The following STX3 variants were observed in gnomAD, a reference collection of about 807,000 sequenced individuals.
STX3 encodes the protein syntaxin-3.
Under a neutral mutation model 40.2 loss-of-function variants are expected in STX3, and 19 were observed. The observed-to-expected ratio is 0.47, with a 90% CI of 0.33 to 0.69. The LOEUF (loss-of-function observed/expected upper bound fraction) is 0.69, where lower values mean the gene tolerates loss of function less well. STX3 is among the 30% of genes least tolerant of loss of function. The pLI is 0.02. For synonymous variants in STX3, 122 were observed against 132.2 expected (o/e 0.92, Z 0.53); for missense variants, 364 against 366.7 (o/e 0.99, Z 0.06).
chr11:59,788,584 A>C (rs1349205531), intron 3 of STX3, among the ~76,000 whole-genome samples: 1 of 152,160 alleles, frequency 6.6e-6, no homozygotes, highest in Non-Finnish European at 1.5e-5. Flanking sequence ...GAGTTTCCAC[A>C]ATTTTATGTG....
In STX3 at chr11:59,755,564, A is replaced by T; in HGVS notation, c.-42A>T. ...GGAAGCGCTCACCTGGGACGCGCTC[A>T]CCTGGGACGCGCTACCTGCCTCCGG... On this transcript the variant is annotated 5_prime_UTR_variant, in exon 1 of 11. Coordinates refer to ENST00000337979, the MANE Select transcript of STX3 (RefSeq NM_004177.5). 5.0e-6 allele frequency: 8 copies of T among 1,589,706 alleles called. No individual in the cohort carries two copies. The highest frequency in any genetic ancestry group is 6.8e-6 in the Non-Finnish European group (8 of 1,175,026).
intron 10 of STX3, 52 bp from the exon 11 acceptor site, chr11:59,800,803 C>T: frequency 6.5e-7 from 1 of 1,535,816 alleles, no homozygotes; most frequent in East Asian, 2.4e-5. Flanking sequence ...CTTCTGTTGC[C>T]CTTTGCCTTC....
At chr11:59,772,705 T>C (rs937219222) in intron 1 of STX3, among the ~76,000 whole-genome samples, 4 of 152,134 alleles carry the variant, frequency 2.6e-5, no homozygotes, top group Non-Finnish European at 5.9e-5. Flanking sequence ...CCAAGTTACC[T>C]AACCTCCCTA....
chr11:59,795,818 C>A, intron 9 of STX3: 1 of 961,438 alleles, frequency 1.0e-6, no homozygotes, highest in Non-Finnish European at 1.6e-6. Context: ...CCCTCCCTGT[C>A]GTAGCCTCAT....
chr11:59,800,445 T>C, intron 10 of STX3: 1 of 985,354 alleles, frequency 1.0e-6, no homozygotes, highest in Non-Finnish European at 1.2e-6. Flanking sequence ...AGGCTTTTCA[T>C]TGTGTCCTTC....
At chr11:59,775,537 G>T (rs1296181476) in intron 2 of STX3, among the ~76,000 whole-genome samples, 3 of 152,202 alleles carry the variant, frequency 2.0e-5, no homozygotes, top group Non-Finnish European at 2.9e-5. Context: ...GTGTGAAGAT[G>T]GTGGGCTTTG....
At chr11:59,780,803 T>G (rs1864321818) in intron 2 of STX3, among the ~76,000 whole-genome samples, 1 of 152,232 alleles carries the variant, frequency 6.6e-6, no homozygotes, top group South Asian at 2.1e-4. Context: ...AACAATCCCT[T>G]TATTATATTA....
At chr11:59,799,826 C>T in intron 10 of STX3, 1 of 984,458 alleles carries the variant, frequency 1.0e-6, no homozygotes, top group Non-Finnish European at 1.2e-6. Flanking sequence ...TTTTTTTTTT[C>T]CCCTCTTTTT....
intron 6 of STX3, 143 bp from the exon 7 acceptor site, chr11:59,792,956 A>C: frequency 1.4e-6 from 1 of 725,894 alleles, no homozygotes; most frequent in Non-Finnish European, 2.4e-6. Flanking sequence ...GGGCAGAAAT[A>C]AGATGAGTCA....
At chr11:59,795,268 C>A in intron 8 of STX3, 104 bp from the exon 9 acceptor site, 1 of 942,256 alleles carries the variant, frequency 1.1e-6, no homozygotes, top group Non-Finnish European at 1.6e-6. Flanking sequence ...TTTGTGGATG[C>A]TCTTCTTGCC....
At chr11:59,776,570 C>CTT (rs1169912793) in intron 2 of STX3, among the ~76,000 whole-genome samples, 3 of 152,222 alleles carry the variant, frequency 2.0e-5, no homozygotes, top group Non-Finnish European at 4.4e-5. Flanking sequence ...GGTTATATAA[C>CTT]TAAGTCGCTT....
In STX3 at chr11:59,769,011, T is replaced by C. The variant is rs528299339; in HGVS notation, c.31-4200T>C. On this transcript the variant is annotated intron_variant, in intron 1 of 10. Transcript: ENST00000337979. ...CATCATCCAAATAGTATACATTGTA[T>C]CCATTAAGTAATTTCTTGTCATCTA... is the stretch of plus-strand genomic sequence containing the variant. Among the ~76,000 whole-genome samples the C allele has an allele frequency of 2.0e-5, 3 of 152,224 alleles. No homozygotes were observed. In the East Asian group the frequency reaches 5.8e-4, roughly 29 times the overall value.
intron 10 of STX3, among the ~76,000 whole-genome samples, chr11:59,797,924 ACTAAACAC>A (rs1383255062): frequency 1.3e-5 from 2 of 152,222 alleles, no homozygotes; most frequent in Non-Finnish European, 2.9e-5. Context: ...CAGACAATGT[ACTAAACAC>A]CTTATACACA....
Position 59,802,060 on chromosome 11 carries a change from A to G in STX3, c.*1236A>G. The G allele has an allele frequency of 1.0e-6, 1 of 985,466 alleles. No individual in the cohort carries two copies. The highest frequency in any genetic ancestry group is 1.2e-6 in the Non-Finnish European group (1 of 829,938). 61.0% of individuals were successfully genotyped at this position (985,466 alleles called of 1,614,324 possible). A position where few individuals can be genotyped will look rare whatever the true frequency, so the allele number is the denominator to read the frequency against. On this transcript the variant is annotated 3_prime_UTR_variant, in exon 11 of 11. Coordinates refer to ENST00000337979, the MANE Select transcript of STX3 (RefSeq NM_004177.5). ...TGACACCCTTTCCCACCTGGTGCCT[A>G]TGCTAGGCTTGTCCTGAGAACATCC...
intron 9 of STX3, 45 bp downstream of exon 9, chr11:59,795,527 T>C: frequency 6.3e-7 from 1 of 1,577,292 alleles, no homozygotes; most frequent in Non-Finnish European, 8.6e-7. Flanking sequence ...CCATTTTGTT[T>C]GCTGTGTCTC....
rs1482307436 is a variant in STX3 at position 59,800,919 on chromosome 11, G to A, written c.*95G>A. 6.5e-7 allele frequency: 1 copy of A among 1,536,038 alleles called. No homozygotes were observed. Among genetic ancestry groups the A allele is most frequent in the Non-Finnish European group, 8.7e-7 (1 of 1,146,870 alleles). The stretch of plus-strand genomic sequence containing the variant: ...TTCAGATGAGAATGGAGTCTGAATG[G>A]CCTTCCTGAGAGCGAGTGCGACCCG... On this transcript the variant is annotated 3_prime_UTR_variant, in exon 11 of 11. Transcript: ENST00000337979.
Position 59,801,331 on chromosome 11 carries a change from T to G in STX3, c.*507T>G, listed in dbSNP as rs954891728. On this transcript the variant is annotated 3_prime_UTR_variant, in exon 11 of 11. Coordinates refer to ENST00000337979, the MANE Select transcript of STX3 (RefSeq NM_004177.5). The stretch of plus-strand genomic sequence containing the variant: ...TACCTGGCAGGATGCCAATCCTGTT[T>G]GTTGTCCGTATGTCCTGAAAACATG... The G allele has an allele frequency of 6.0e-6, 6 of 993,276 alleles. No homozygotes were observed. The highest frequency in any genetic ancestry group is 7.2e-6 in the Non-Finnish European group (6 of 834,502). The allele number at this position is 993,276 out of a possible 1,614,324, so 61.5% of individuals were successfully genotyped here. A position where few individuals can be genotyped will look rare whatever the true frequency, so the allele number is the denominator to read the frequency against.
chr11:59,796,720 G>C lies in STX3; in HGVS notation c.787-563G>C, dbSNP rs574115629. On this transcript the variant is annotated intron_variant, in intron 9 of 10. Coordinates refer to ENST00000337979, the MANE Select transcript of STX3 (RefSeq NM_004177.5). ...CACGATAGTGGCTCTGATTCTATCT[G>C]TCCACATATACAGAACTGCAGTGTG... Among the ~76,000 whole-genome samples, 21 of 152,282 alleles carry C rather than the reference G, an allele frequency of 1.4e-4. No individual in the cohort carries two copies. In the South Asian group the frequency reaches 1.7e-3, roughly 12 times the overall value.
chr11:59,785,551 G>T (rs1864699912), intron 2 of STX3, among the ~76,000 whole-genome samples: 1 of 152,084 alleles, frequency 6.6e-6, no homozygotes, highest in African/African-American at 2.4e-5. Context: ...GGCTGATCTT[G>T]AACTCCTGGG....
Sources: allele counts gnomAD v4.1 joint callset (sites outside exome capture counted in the v4.1 genomes callset), GRCh38; gene constraint gnomAD v4.1.1; transcripts MANE v1.5; gene names NCBI Gene and HGNC (gene_info 2026-07-23, HGNC 2026-07-21).